KAZN: variants seen among roughly 807,000 people sequenced by gnomAD.
KAZN encodes kazrin.
Under a neutral mutation model 87.4 loss-of-function variants are expected in KAZN, and 40 were observed. The observed-to-expected ratio is 0.46, with a 90% CI of 0.36 to 0.60. The LOEUF (loss-of-function observed/expected upper bound fraction) is 0.60, where lower values mean the gene tolerates loss of function less well. Ranked by LOEUF, KAZN falls within the 20% of genes least tolerant of loss-of-function variation. The pLI, the probability that KAZN is intolerant of heterozygous loss-of-function variation, is 0.00. For synonymous variants in KAZN, 466 were observed against 458.3 expected, an observed-to-expected ratio of 1.02 and a Z score of -0.22; for missense variants, 898 against 1,073.9, an observed-to-expected ratio of 0.84 and a Z score of 2.29.
intron 2 of KAZN, among the ~76,000 whole-genome samples, chr1:14,420,583 C>T (rs1414818837): frequency 6.6e-6 from 1 of 152,220 alleles, no homozygotes; most frequent in African/African-American, 2.4e-5. Context: ...TTGGGCAGCT[C>T]AGGAGCCCAC....
intron 2 of KAZN, among the ~76,000 whole-genome samples, chr1:14,309,306 A>G (rs1163185227): frequency 1.3e-5 from 2 of 152,232 alleles, no homozygotes; most frequent in African/African-American, 4.8e-5. Flanking sequence ...ATTAATAAAA[A>G]TTGATTTATA....
chr1:15,024,185 A>G (rs1374920529), intron 2 of KAZN, among the ~76,000 whole-genome samples: 1 of 152,172 alleles, frequency 6.6e-6, no homozygotes, highest in Non-Finnish European at 1.5e-5. Context: ...ACAGAGTCCA[A>G]AACGGAGCAG....
At chr1:13,929,862 C>T (rs189548052) in intron 1 of KAZN, among the ~76,000 whole-genome samples, 2 of 152,310 alleles carry the variant, frequency 1.3e-5, no homozygotes, top group East Asian at 1.9e-4. Context: ...ATTAAATCCT[C>T]GTAGCAACTG....
chr1:14,836,179 C>T (rs1260082648), intron 1 of KAZN, among the ~76,000 whole-genome samples: 1 of 152,202 alleles, frequency 6.6e-6, no homozygotes, highest in Non-Finnish European at 1.5e-5. Context: ...CCCACCTCCC[C>T]TCTGGTGCTC....
At chr1:14,399,165 GTTTA>G (rs1327443941) in intron 2 of KAZN, among the ~76,000 whole-genome samples, 3 of 151,864 alleles carry the variant, frequency 2.0e-5, no homozygotes, top group Admixed American at 6.6e-5. Context: ...TGCCTGGCTA[GTTTA>G]TTTATTTATT....
intron 2 of KAZN, among the ~76,000 whole-genome samples, chr1:14,455,383 C>G (rs896006762): frequency 6.6e-6 from 1 of 152,180 alleles, no homozygotes; most frequent in Non-Finnish European, 1.5e-5. Flanking sequence ...AATTCCCCAG[C>G]TCTTCTGGAA....
rs544277366 is a variant in KAZN at position 14,820,998 on chromosome 1, C to A, written c.227-139686C>A. Reference sequence around the variant, plus strand: ...GATGGATTGTCGGGAGAAACGGGAGCGTGTGAGGAATTGAAAAGGAGGCAA... The same window carrying A: ...GATGGATTGTCGGGAGAAACGGGAGAGTGTGAGGAATTGAAAAGGAGGCAA... On this transcript the variant is annotated intron_variant, in intron 1 of 14. Coordinates refer to ENST00000376030, the MANE Select transcript of KAZN (RefSeq NM_201628.3). The surrounding 1 kb of genome is among the most constrained non-coding windows in gnomAD (Gnocchi z 4.1). Among the ~76,000 whole-genome samples the A allele has an allele frequency of 4.6e-5, 7 of 152,120 alleles. No individual in the cohort carries two copies. The South Asian group carries it at 1.5e-3, about 32-fold the overall frequency.
chr1:14,418,045 C>T (rs1047606438), intron 2 of KAZN, among the ~76,000 whole-genome samples: 8 of 84,166 alleles, frequency 9.5e-5, no homozygotes, highest in Middle Eastern at 9.8e-3. Context: ...AAAAAAAAAA[C>T]CTACATCGAA....
chr1:14,921,527 T>C (rs189123827), intron 1 of KAZN, among the ~76,000 whole-genome samples: 28 of 152,324 alleles, frequency 1.8e-4, no homozygotes, highest in Non-Finnish European at 1.3e-4. Context: ...AAGTAGAACA[T>C]CTGACAACAC....
intron 2 of KAZN, among the ~76,000 whole-genome samples, chr1:14,993,632 ACTCTCGT>A (rs1473350865): frequency 6.6e-6 from 1 of 151,768 alleles, no homozygotes; most frequent in Admixed American, 6.6e-5. Flanking sequence ...TGCTGCCTCG[ACTCTCGT>A]CTGGGAGGGG....
intron 2 of KAZN, among the ~76,000 whole-genome samples, chr1:14,202,755 G>C (rs539029189): frequency 1.2e-3 from 176 of 152,230 alleles, no homozygotes; most frequent in Non-Finnish European, 2.0e-3. Context: ...ATAACCATGG[G>C]AAGATAAAAA....
At chr1:14,404,179 G>A (rs929719917) in intron 2 of KAZN, among the ~76,000 whole-genome samples, 7 of 152,116 alleles carry the variant, frequency 4.6e-5, no homozygotes, top group African/African-American at 1.4e-4. Flanking sequence ...CCTAGTTGAC[G>A]CTGTATTACC....
chr1:13,995,112 G>A (rs933983830), intron 1 of KAZN, among the ~76,000 whole-genome samples: 2 of 151,464 alleles, frequency 1.3e-5, no homozygotes, highest in African/African-American at 4.9e-5. Context: ...TACAGCAAAT[G>A]TCATACTTAA....
intron 1 of KAZN, among the ~76,000 whole-genome samples, chr1:13,905,282 T>G (rs1476387646): frequency 2.6e-5 from 4 of 152,252 alleles, no homozygotes; most frequent in African/African-American, 9.6e-5. Flanking sequence ...GCTTATTACC[T>G]CATGCACTTT....
chr1:15,028,617 C>G (rs1299249310), intron 2 of KAZN, among the ~76,000 whole-genome samples: 1 of 152,242 alleles, frequency 6.6e-6, no homozygotes, highest in Non-Finnish European at 1.5e-5. Flanking sequence ...GTTGCAGCAC[C>G]TGCCATGTGC....
intron 2 of KAZN, among the ~76,000 whole-genome samples, chr1:14,425,072 G>T (rs184754817): frequency 6.6e-5 from 10 of 152,342 alleles, no homozygotes; most frequent in Non-Finnish European, 1.5e-4. Flanking sequence ...CACTGAAGTT[G>T]CATTGTTCAG....
At chr1:14,823,133 T>C (rs2100834947) in intron 1 of KAZN, among the ~76,000 whole-genome samples, 2 of 152,292 alleles carry the variant, frequency 1.3e-5, no homozygotes, top group East Asian at 1.9e-4. Flanking sequence ...CTTCTGGGCA[T>C]GTGGCACCAC....
chr1:14,924,347 T>TC (rs1209363033), intron 1 of KAZN: 2 of 986,430 alleles, frequency 2.0e-6, no homozygotes, highest in African/African-American at 1.8e-5. Context: ...GCTGGTAGCG[T>TC]CCCCCCGGGC....
chr1:14,321,312 C>T (rs916761190), intron 2 of KAZN, among the ~76,000 whole-genome samples: 7 of 152,090 alleles, frequency 4.6e-5, no homozygotes, highest in African/African-American at 1.4e-4. Flanking sequence ...TTTCGTATCG[C>T]GAATGGCCGA....
Sources: gnomAD v4.1 joint callset for allele counts (sites outside exome capture counted in the v4.1 genomes callset) on GRCh38, gnomAD v4.1.1 for gene constraint, Gnocchi (gnomAD v3.1) non-coding constraint, MANE v1.5 for transcripts, NCBI Gene and HGNC (gene_info 2026-07-23, HGNC 2026-07-21) for gene names.